The following MED13L variants were observed in gnomAD, a reference collection of about 807,000 sequenced individuals.
The protein encoded by MED13L is mediator of RNA polymerase II transcription subunit 13-like.
A neutral mutation model predicts 220.9 loss-of-function variants in MED13L; 7 were observed. The observed-to-expected ratio is 0.03, with a 90% CI of 0.02 to 0.06. The LOEUF (loss-of-function observed/expected upper bound fraction) is 0.06, where lower values mean the gene tolerates loss of function less well. Ranked by LOEUF, MED13L falls within the 10% of genes least tolerant of loss-of-function variation. MED13L has a pLI of 1.00. For synonymous variants in MED13L, 1,011 were observed against 1,015.2 expected (o/e 1.00, Z 0.08); for missense variants, 1,965 against 2,760.5 (o/e 0.71, Z 6.46).
At chr12:116,274,818 A>C (rs1308349547) in intron 1 of MED13L, among the ~76,000 whole-genome samples, 1 of 152,104 alleles carries the variant, frequency 6.6e-6, no homozygotes, top group Non-Finnish European at 1.5e-5. Context: ...CTTTTTAAAA[A>C]AGCATATTCA....
chr12:116,083,706 G>C (rs1251445537), intron 4 of MED13L, among the ~76,000 whole-genome samples: 2 of 152,108 alleles, frequency 1.3e-5, no homozygotes, highest in Non-Finnish European at 2.9e-5. Flanking sequence ...TAATTCTTGG[G>C]CTAAAAATTT....
At chr12:116,038,401 C>G (rs1166691630) in intron 4 of MED13L, among the ~76,000 whole-genome samples, 2 of 152,120 alleles carry the variant, frequency 1.3e-5, no homozygotes, top group Non-Finnish European at 1.5e-5. Context: ...TGCCTAACTC[C>G]ATAGCTCCCT....
intron 2 of MED13L, among the ~76,000 whole-genome samples, chr12:116,120,873 A>T (rs1875038828): frequency 6.6e-6 from 1 of 152,136 alleles, no homozygotes; most frequent in Admixed American, 6.6e-5. Context: ...GAATTTTCCT[A>T]AAATTTTGTT....
chr12:115,978,317 ATTT>A (rs961542010), intron 23 of MED13L, among the ~76,000 whole-genome samples: 1 of 146,554 alleles, frequency 6.8e-6, no homozygotes, highest in Non-Finnish European at 1.5e-5. Context: ...GAACTGTACA[ATTT>A]TTTTTCTTTT....
intron 3 of MED13L, among the ~76,000 whole-genome samples, chr12:116,100,969 A>G (rs935705891): frequency 2.6e-5 from 4 of 152,212 alleles, no homozygotes; most frequent in Non-Finnish European, 5.9e-5. Flanking sequence ...TTCTGTCCTC[A>G]GAAAAAATGT....
intron 2 of MED13L, among the ~76,000 whole-genome samples, chr12:116,209,888 G>C (rs1196395545): frequency 6.6e-6 from 1 of 152,134 alleles, no homozygotes; most frequent in Non-Finnish European, 1.5e-5. Context: ...GCATAAGTTA[G>C]GATTCAAGAT....
intron 1 of MED13L, among the ~76,000 whole-genome samples, chr12:116,251,685 C>T (rs1871578633): frequency 6.6e-6 from 1 of 150,896 alleles, no homozygotes; most frequent in Non-Finnish European, 1.5e-5. Context: ...GGCGTGAACC[C>T]AGGAGGCGGA....
chr12:116,277,029 ACAG>A, intron 1 of MED13L, 28 bp downstream of exon 1: 1 of 831,268 alleles, frequency 1.2e-6, no homozygotes. Flanking sequence ...CTTCCCCGGC[ACAG>A]CCCCCTCCCC....
Position 115,983,138 on chromosome 12 carries a change from G to A in MED13L, c.4934C>T (p.Pro1645Leu). Reference protein sequence around the residue: ...DTDPGQSSSQPSQDGQESVTE... With the variant: ...DTDPGQSSSQLSQDGQESVTE... ...ATACCTCTCTTGTCCATCCTGTGAG[G>A]GCTGAGAAGAGCTCTGCCCAGGGTC... The change falls in exon 21 of 31, where the codon CCC (proline) becomes CTC (leucine). Residue 1645 changes from proline to leucine, a missense_variant. Physicochemically the swap from Pro to Leu is moderately conservative, Grantham distance 98 (BLOSUM62 -3). This residue lies in a region of MED13L where 510 missense variants were observed against 620.4 expected (regional missense o/e 0.82). Transcript: ENST00000281928. 1 of 1,613,994 alleles carries A rather than the reference G, an allele frequency of 6.2e-7. No individual in the cohort carries two copies. Among genetic ancestry groups the A allele is most frequent in the Non-Finnish European group, 8.5e-7 (1 of 1,179,930 alleles).
chr12:116,192,535 T>C (rs143316565), intron 2 of MED13L, among the ~76,000 whole-genome samples: 161 of 152,334 alleles, frequency 1.1e-3, no homozygotes, highest in African/African-American at 3.8e-3. Flanking sequence ...TGTAACATCA[T>C]AGGACTTATT....
chr12:116,103,999 CTTTTTTTTT>C (rs36066243), intron 3 of MED13L, among the ~76,000 whole-genome samples: 6 of 57,464 alleles, frequency 1.0e-4, no homozygotes, highest in African/African-American at 3.1e-4. Context: ...GGACATTGCT[CTTTTTTTTT>C]TTTTTTTTTT....
intron 2 of MED13L, among the ~76,000 whole-genome samples, chr12:116,189,030 G>A (rs1391362186): frequency 6.6e-6 from 1 of 152,142 alleles, no homozygotes; most frequent in Non-Finnish European, 1.5e-5. Context: ...ATTACGTATA[G>A]GTTTCTGCAC....
chr12:116,120,732 A>G (rs1875025100), intron 2 of MED13L, among the ~76,000 whole-genome samples: 1 of 152,048 alleles, frequency 6.6e-6, no homozygotes. Flanking sequence ...AAAAAACAGG[A>G]AAAAAAGCCT....
At chr12:116,090,183 T>G (rs1007114762) in intron 4 of MED13L, among the ~76,000 whole-genome samples, 2 of 152,358 alleles carry the variant, frequency 1.3e-5, no homozygotes, top group Non-Finnish European at 2.9e-5. Flanking sequence ...AAGCTTCAAC[T>G]GACTTTGTTT....
At chr12:116,236,838 A>G in intron 2 of MED13L, 2 of 983,954 alleles carry the variant, frequency 2.0e-6, no homozygotes, top group Non-Finnish European at 2.4e-6. Context: ...CAGTTTCCAG[A>G]TATCAGATGC....
intron 28 of MED13L, among the ~76,000 whole-genome samples, chr12:115,967,654 G>C (rs1186802485): frequency 1.3e-5 from 2 of 152,218 alleles, no homozygotes; most frequent in East Asian, 3.8e-4. Context: ...GGCTAAGAGA[G>C]GTGAAGTTAG....
chr12:116,222,032 A>T (rs1428761813), intron 2 of MED13L, among the ~76,000 whole-genome samples: 3 of 152,200 alleles, frequency 2.0e-5, no homozygotes, highest in African/African-American at 7.2e-5. Context: ...AAACAACTCA[A>T]ATTTTATACA....
chr12:116,175,808 G>C (rs760946908), intron 2 of MED13L, among the ~76,000 whole-genome samples: 1 of 152,146 alleles, frequency 6.6e-6, no homozygotes, highest in African/African-American at 2.4e-5. Flanking sequence ...ACTGAGAAAT[G>C]ATGCCGTTAA....
intron 4 of MED13L, among the ~76,000 whole-genome samples, chr12:116,087,570 G>T (rs1338704491): frequency 6.6e-6 from 1 of 152,108 alleles, no homozygotes; most frequent in Non-Finnish European, 1.5e-5. Context: ...ACTTTTCAAA[G>T]AAAGGACCCC....
Sources: allele counts gnomAD v4.1 joint callset (sites outside exome capture counted in the v4.1 genomes callset), GRCh38; gene constraint gnomAD v4.1.1; regional missense constraint gnomAD v4.1.1; transcripts MANE v1.5; gene names NCBI Gene and HGNC (gene_info 2026-07-23, HGNC 2026-07-21).